LAT2: variants seen among roughly 807,000 people sequenced by gnomAD.
The protein encoded by LAT2 is linker for activation of T-cells family member 2.
LAT2 carries 23 observed loss-of-function variants against 43.4 expected under a neutral mutation model. The observed-to-expected ratio is 0.53, with a 90% CI of 0.38 to 0.75. LAT2 has a LOEUF of 0.75. LAT2 is among the 30% of genes least tolerant of loss of function. The pLI is 0.00. For missense variants in LAT2, 284 were observed against 310.2 expected, an observed-to-expected ratio of 0.92 and a Z score of 0.64; for synonymous variants, 128 against 123.2, an observed-to-expected ratio of 1.04 and a Z score of -0.26.
chr7:74,223,669 C>CT, intron 10 of LAT2, 55 bp from the exon 11 acceptor site: 1 of 1,529,022 alleles, frequency 6.5e-7, no homozygotes, highest in Non-Finnish European at 9.1e-7. Flanking sequence ...GGAGGATGAG[C>CT]CAGGCTTTGC....
chr7:74,218,445 A>C (rs987817238), intron 4 of LAT2, among the ~76,000 whole-genome samples: 4 of 152,246 alleles, frequency 2.6e-5, no homozygotes, highest in African/African-American at 9.6e-5. Flanking sequence ...CATTATCTGT[A>C]ATGGCAGCTT....
Position 74,224,773 on chromosome 7 carries a change from C to A in LAT2, c.*18+13C>A. On this transcript the variant is annotated intron_variant, in intron 13 of 13. Coordinates refer to ENST00000460943, the MANE Select transcript of LAT2 (RefSeq NM_032464.3). ...ACCAAGAAGAAAGGTACAGCCCCTGCTCTCCAGCTGCCGTGGGCCAAGGAT... is the reference window on the plus strand; with the variant it reads ...ACCAAGAAGAAAGGTACAGCCCCTGATCTCCAGCTGCCGTGGGCCAAGGAT... 6.6e-7 allele frequency: 1 copy of A among 1,505,248 alleles called. No homozygotes were observed. The highest frequency in any genetic ancestry group is 9.0e-7 in the Non-Finnish European group (1 of 1,115,606). The allele number at this position is 1,505,248 out of a possible 1,614,324, so 93.2% of individuals were successfully genotyped here. A position where few individuals can be genotyped will look rare whatever the true frequency, so the allele number is the denominator to read the frequency against.
intron 4 of LAT2, among the ~76,000 whole-genome samples, chr7:74,217,586 G>A (rs1469447029): frequency 1.3e-5 from 2 of 152,176 alleles, no homozygotes; most frequent in Admixed American, 6.5e-5. Context: ...GAACGTTGTC[G>A]GAGACTCCCC....
In LAT2 at chr7:74,228,967, T is replaced by A. The variant is rs1554716475; in HGVS notation, c.*42T>A. On this transcript the variant is annotated 3_prime_UTR_variant, in exon 14 of 14. Transcript: ENST00000460943. ...AGGAGCCAAGGCAAAGAGGGACCAC[T>A]GTGCTCATGGACCCATCGCTGCCTT... The A allele has an allele frequency of 6.6e-6, 1 of 152,258 alleles. No individual in the cohort carries two copies. The highest frequency in any genetic ancestry group is 1.5e-5 in the Non-Finnish European group (1 of 68,092). The allele number at this position is 152,258 out of a possible 1,614,324, so 9.4% of individuals were successfully genotyped here.
chr7:74,223,009 C>G (rs1211801574), intron 10 of LAT2, among the ~76,000 whole-genome samples: 2 of 152,162 alleles, frequency 1.3e-5, no homozygotes, highest in Non-Finnish European at 2.9e-5. Context: ...CCTGGGTCCC[C>G]GAGCAAAGCA....
rs782694803 is a variant in LAT2, at chr7:74,221,410, CAAAAAAAAAAAA to C, written c.333-209_333-198del. Reference sequence around the variant, plus strand: ...AGCCTGGGTGACAGAGACTCTGTCTCAAAAAAAAAAAAAAAAAAAAAAAAAAAAAGTGGCTCC... The same window carrying C: ...AGCCTGGGTGACAGAGACTCTGTCTCAAAAAAAAAAAAAAAAAGTGGCTCC... On this transcript the variant is annotated intron_variant, in intron 9 of 13. Transcript: ENST00000460943. 8.3e-3 allele frequency among the ~76,000 whole-genome samples: 175 copies of C among 21,082 alleles called. 3 individuals carry two copies. The East Asian group carries it at 0.19, about 23-fold the overall frequency. The allele number at this position is 21,082 out of a possible 152,430, so 13.8% of individuals were successfully genotyped here.
chr7:74,213,378 C>T (rs971169576), intron 1 of LAT2, among the ~76,000 whole-genome samples: 2 of 151,356 alleles, frequency 1.3e-5, no homozygotes, highest in Non-Finnish European at 2.9e-5. Flanking sequence ...GCCTCAGCCT[C>T]CCAAAGTGTT....
chr7:74,211,049 G>A (rs1288626836), intron 1 of LAT2, among the ~76,000 whole-genome samples: 10 of 152,000 alleles, frequency 6.6e-5, no homozygotes, highest in Non-Finnish European at 1.0e-4. Context: ...CTTGGCAATC[G>A]TTGTTCATAT....
At chr7:74,228,788 C>CAA (rs782556105) in intron 13 of LAT2, among the ~76,000 whole-genome samples, 156 bp from the exon 14 acceptor site, 1 of 136,080 alleles carries the variant, frequency 7.3e-6, no homozygotes, top group Non-Finnish European at 1.6e-5. Context: ...GACTCCATCT[C>CAA]AAAAAAAAAA....
chr7:74,210,684 C>T (rs549101377), intron 1 of LAT2, among the ~76,000 whole-genome samples: 26 of 152,264 alleles, frequency 1.7e-4, no homozygotes, highest in African/African-American at 5.8e-4. Context: ...CACGGTGGCT[C>T]AACCTGTAAT....
intron 4 of LAT2, among the ~76,000 whole-genome samples, chr7:74,219,048 G>T (rs1584218153): frequency 1.5e-4 from 4 of 26,916 alleles, no homozygotes; most frequent in East Asian, 1.3e-3. Context: ...TTTTTTTTTT[G>T]AGACGGAGTC....
intron 13 of LAT2, among the ~76,000 whole-genome samples, 176 bp from the exon 14 acceptor site, chr7:74,228,768 G>A (rs369326796): frequency 1.3e-5 from 2 of 151,508 alleles, no homozygotes; most frequent in Admixed American, 6.6e-5. Context: ...CAGCCTGGGT[G>A]ACAGAGTGAG....
chr7:74,217,110 T>C (rs1363967447), intron 4 of LAT2, among the ~76,000 whole-genome samples: 2 of 152,110 alleles, frequency 1.3e-5, no homozygotes, highest in Admixed American at 6.6e-5. Context: ...CTAGCCACTC[T>C]TCAGCTTGCC....
At chr7:74,221,590 T>C (rs1554715274) in intron 9 of LAT2, 47 bp from the exon 10 acceptor site, 16 of 1,548,402 alleles carry the variant, frequency 1.0e-5, no homozygotes, top group Non-Finnish European at 8.9e-6. Flanking sequence ...CCCAACCCGA[T>C]CTCCAGCCTG....
At chr7:74,219,240 G>A (rs1802168041) in intron 4 of LAT2, among the ~76,000 whole-genome samples, 1 of 152,052 alleles carries the variant, frequency 6.6e-6, no homozygotes, top group African/African-American at 2.4e-5. Flanking sequence ...GTGAGTGTGT[G>A]CTTTTTTAAG....
intron 1 of LAT2, among the ~76,000 whole-genome samples, chr7:74,214,187 T>TAAATATATATATGAAAATATATATGA (rs1563966866): frequency 2.4e-4 from 21 of 87,612 alleles, no homozygotes; most frequent in East Asian, 1.8e-3. Context: ...AAAATATATA[T>TAAATATATATATGAAAATATATATGA]AAATATATAT....
chr7:74,222,069 T>G (rs1005332633), intron 10 of LAT2, among the ~76,000 whole-genome samples: 3 of 147,704 alleles, frequency 2.0e-5, no homozygotes, highest in South Asian at 4.4e-4. Flanking sequence ...ACCTGGTCGC[T>G]GAATGCCTTT....
rs1267264134 is a variant in LAT2, at chr7:74,220,837, G to A, written c.332+103G>A. On this transcript the variant is annotated intron_variant, in intron 9 of 13. Coordinates refer to ENST00000460943, the MANE Select transcript of LAT2 (RefSeq NM_032464.3). This position sits in a 1 kb window ranked among gnomAD's most constrained non-coding sequence, Gnocchi z 4.5. Reference sequence around the variant, plus strand: ...TGCCCCACCTGCCTGCCACAGCCCTGGGCTTCCTGGTCCAGGAACCACCTC... The same window carrying A: ...TGCCCCACCTGCCTGCCACAGCCCTAGGCTTCCTGGTCCAGGAACCACCTC... The A allele has an allele frequency of 2.9e-6, 3 of 1,025,800 alleles. No homozygotes were observed. The Admixed American group carries it at 8.7e-5, about 30-fold the overall frequency. 63.5% of individuals were successfully genotyped at this position (1,025,800 alleles called of 1,614,324 possible).
intron 13 of LAT2, 189 bp downstream of exon 13, chr7:74,224,949 C>G: frequency 2.1e-6 from 1 of 476,958 alleles, no homozygotes; most frequent in Non-Finnish European, 3.8e-6. Flanking sequence ...CCAGGGGCGT[C>G]AGGCAGGGAA....
Sources: gnomAD v4.1 joint callset for allele counts (sites outside exome capture counted in the v4.1 genomes callset) on GRCh38, gnomAD v4.1.1 for gene constraint, Gnocchi (gnomAD v3.1) non-coding constraint, MANE v1.5 for transcripts, NCBI Gene and HGNC (gene_info 2026-07-23, HGNC 2026-07-21) for gene names.